WWOX: variants seen among roughly 807,000 people sequenced by gnomAD.
WWOX encodes the protein WW domain-containing oxidoreductase.
In WWOX, 69 loss-of-function variants were observed where a neutral mutation model predicts 46.2. The observed-to-expected ratio is 1.49, with a 90% CI of 1.23 to 1.82. WWOX has a LOEUF of 1.82. Ranked by LOEUF, WWOX falls within the 40% of genes most tolerant of loss-of-function variation. The pLI is 0.00. For synonymous variants in WWOX, 359 were observed against 202.6 expected, an observed-to-expected ratio of 1.77 and a Z score of -6.56; for missense variants, 919 against 542.6, an observed-to-expected ratio of 1.69 and a Z score of -6.89.
At chr16:78,755,503 C>T (rs1597555313) in intron 8 of WWOX, among the ~76,000 whole-genome samples, 1 of 152,130 alleles carries the variant, frequency 6.6e-6, no homozygotes, top group African/African-American at 2.4e-5. Context: ...GTTCTTGAGT[C>T]AGTACCTGCC....
chr16:78,484,727 A>C (rs1305389401), intron 8 of WWOX, among the ~76,000 whole-genome samples: 1 of 152,214 alleles, frequency 6.6e-6, no homozygotes, highest in Non-Finnish European at 1.5e-5. Flanking sequence ...TCTCTCTCCC[A>C]AAATGAAATA....
chr16:78,430,247 A>G (rs8048744), intron 7 of WWOX, among the ~76,000 whole-genome samples: 29,614 of 151,870 alleles, frequency 0.19, 4,117 homozygotes, highest in African/African-American at 0.38. Context: ...GGGAGAAAGC[A>G]CCCCCATGAT....
At position 78,959,893 on chromosome 16, in the gene WWOX, C is replaced by G. The variant is rs138406763; in HGVS notation, c.1057-251715C>G. Among the ~76,000 whole-genome samples the G allele has an allele frequency of 4.1e-3, 619 of 152,290 alleles. 2 individuals are homozygous for G. Among genetic ancestry groups the G allele is most frequent in the African/African-American group, 0.014 (577 of 41,560 alleles). On this transcript the variant is annotated intron_variant, in intron 8 of 8. Transcript: ENST00000566780. ...AGTCTGATTTAATTGGATAAGGATA[C>G]AGCCTGGGCATCAAGAGTTTCTAGA...
At chr16:78,824,394 C>G (rs907576974) in intron 8 of WWOX, among the ~76,000 whole-genome samples, 1 of 152,266 alleles carries the variant, frequency 6.6e-6, no homozygotes, top group Admixed American at 6.5e-5. Context: ...CTCTGTTTTC[C>G]TCATTCATTC....
chr16:78,804,969 C>G (rs575093620), intron 8 of WWOX, among the ~76,000 whole-genome samples: 1 of 152,316 alleles, frequency 6.6e-6, no homozygotes, highest in Non-Finnish European at 1.5e-5. Context: ...TGGATGGTTT[C>G]CATTGATATT....
At chr16:78,949,202 C>G (rs182781153) in intron 8 of WWOX, among the ~76,000 whole-genome samples, 1 of 152,286 alleles carries the variant, frequency 6.6e-6, no homozygotes, top group African/African-American at 2.4e-5. Flanking sequence ...CCCAGGCTGG[C>G]TGACACCTTG....
At chr16:78,366,471 T>C (rs1314248740) in intron 5 of WWOX, among the ~76,000 whole-genome samples, 1 of 152,200 alleles carries the variant, frequency 6.6e-6, no homozygotes, top group Non-Finnish European at 1.5e-5. Context: ...TTCTCCTGCA[T>C]TCATTGGAAC....
intron 4 of WWOX, among the ~76,000 whole-genome samples, chr16:78,124,569 A>G (rs995248844): frequency 2.0e-5 from 3 of 152,166 alleles, no homozygotes; most frequent in African/African-American, 4.8e-5. Context: ...GCAGGTTCCA[A>G]TAGCTCGCTT....
intron 8 of WWOX, among the ~76,000 whole-genome samples, chr16:79,031,617 A>C (rs958467699): frequency 1.3e-5 from 2 of 151,666 alleles, no homozygotes; most frequent in Non-Finnish European, 2.9e-5. Flanking sequence ...GTCTTTATTT[A>C]TTTTTAAAAT....
At chr16:78,873,855 G>C (rs1005493898) in intron 8 of WWOX, among the ~76,000 whole-genome samples, 2 of 152,124 alleles carry the variant, frequency 1.3e-5, no homozygotes, top group African/African-American at 4.8e-5. Flanking sequence ...CAGGCCATGT[G>C]CTTAGTCCCT....
Position 78,127,650 on chromosome 16 carries a change from C to T in WWOX, c.409+12496C>T, listed in dbSNP as rs1346101316. Reference sequence around the variant, plus strand: ...ACCGTTATACCATGCATCATGGTAACATCTTTTTTACTGAGAGTTCTGCAT... The same window carrying T: ...ACCGTTATACCATGCATCATGGTAATATCTTTTTTACTGAGAGTTCTGCAT... On this transcript the variant is annotated intron_variant, in intron 4 of 8. Coordinates refer to ENST00000566780, the MANE Select transcript of WWOX (RefSeq NM_016373.4). Among the ~76,000 whole-genome samples the T allele has an allele frequency of 2.0e-5, 3 of 151,884 alleles. 1 individual carries two copies. The highest frequency in any genetic ancestry group is 7.3e-5 in the African/African-American group (3 of 41,298).
At position 78,432,509 on chromosome 16, in the gene WWOX, C is replaced by G. The variant is rs767808087; in HGVS notation, c.813C>G (p.Ser271=). The change falls in exon 8 of 9, where the codon TCC becomes TCG. Residue 271 remains serine (S), a synonymous_variant. Transcript: ENST00000566780. ...ESHRFTDIND[S]LGKLDFSRLS... Reference sequence around the variant, plus strand: ...TAAGATTTACAGATATTAACGACTCCTTGGGAAAACTGGACTTCAGTCGCC... The same window carrying G: ...TAAGATTTACAGATATTAACGACTCGTTGGGAAAACTGGACTTCAGTCGCC... 3.1e-6 allele frequency: 5 copies of G among 1,614,018 alleles called. No individual in the cohort carries two copies. In the African/African-American group the frequency reaches 5.3e-5, roughly 17 times the overall value.
intron 8 of WWOX, among the ~76,000 whole-genome samples, chr16:78,547,127 G>GAAAAAAAAAAAAAAAAAA (rs199726097): frequency 1.9e-4 from 17 of 87,514 alleles, no homozygotes; most frequent in African/African-American, 1.1e-3. Flanking sequence ...CCTTGTCTCA[G>GAAAAAAAAAAAAAAAAAA]AAAAAAAAAA....
chr16:78,594,188 G>C (rs929652801), intron 8 of WWOX, among the ~76,000 whole-genome samples: 1 of 144,630 alleles, frequency 6.9e-6, no homozygotes, highest in Non-Finnish European at 1.5e-5. Flanking sequence ...GGAATCCTTA[G>C]GGCCTTTTTA....
At chr16:78,263,117 G>A (rs755530843) in intron 5 of WWOX, among the ~76,000 whole-genome samples, 2 of 152,166 alleles carry the variant, frequency 1.3e-5, no homozygotes, top group Non-Finnish European at 2.9e-5. Context: ...GTGCGTGCCT[G>A]TAATCTCAGC....
intron 8 of WWOX, among the ~76,000 whole-genome samples, chr16:78,922,056 A>G (rs538726341): frequency 6.6e-6 from 1 of 152,352 alleles, no homozygotes; most frequent in African/African-American, 2.4e-5. Flanking sequence ...GTGTGGCAGT[A>G]TGCATGGAAT....
chr16:78,795,755 A>G (rs1162445643), intron 8 of WWOX, among the ~76,000 whole-genome samples: 1 of 152,154 alleles, frequency 6.6e-6, no homozygotes. Flanking sequence ...TTTCATCTGT[A>G]AATGGGGACA....
chr16:78,847,890 G>A (rs1480200957), intron 8 of WWOX, among the ~76,000 whole-genome samples: 1 of 152,218 alleles, frequency 6.6e-6, no homozygotes, highest in East Asian at 1.9e-4. Flanking sequence ...CAAGCGGTCA[G>A]ATACTGGGAC....
intron 8 of WWOX, among the ~76,000 whole-genome samples, chr16:78,790,171 C>G (rs2050558013): frequency 6.6e-6 from 1 of 152,052 alleles, no homozygotes; most frequent in Admixed American, 6.5e-5. Context: ...GGGTCTTGCT[C>G]TGTTGCCCGG....
Sources: gnomAD v4.1 joint callset for allele counts (sites outside exome capture counted in the v4.1 genomes callset) on GRCh38, gnomAD v4.1.1 for gene constraint, MANE v1.5 for transcripts, NCBI Gene and HGNC (gene_info 2026-07-23, HGNC 2026-07-21) for gene names.